IFIH1: variants seen among roughly 807,000 people sequenced by gnomAD.
IFIH1 encodes the protein interferon-induced helicase C domain-containing protein 1.
Under a neutral mutation model 107.4 loss-of-function variants are expected in IFIH1, and 125 were observed. The ratio of observed to expected loss-of-function variants is 1.16; its 90% CI spans 1.01 to 1.35. The LOEUF is 1.35. Ranked by LOEUF, IFIH1 falls within the 40% of genes most tolerant of loss-of-function variation. The pLI is 0.00. For synonymous variants in IFIH1, 458 were observed against 413.2 expected, an observed-to-expected ratio of 1.11 and a Z score of -1.31; for missense variants, 1,333 against 1,213.7, an observed-to-expected ratio of 1.10 and a Z score of -1.46.
rs1381949355 is a variant in IFIH1, at chr2:162,267,074, T to G, written c.*126A>C. On this transcript the variant is annotated 3_prime_UTR_variant, in exon 16 of 16. Transcript: ENST00000649979. ...TAATATATTGTGTTCTTAAAAAGAG[T>G]TCAATGCAGAGTAAAACAATCATTT... 4.0e-6 allele frequency: 3 copies of G among 747,234 alleles called. No homozygotes were observed. Among genetic ancestry groups the G allele is most frequent in the South Asian group, 3.9e-5 (2 of 50,804 alleles). 46.3% of individuals were successfully genotyped at this position (747,234 alleles called of 1,614,324 possible).
intron 5 of IFIH1, among the ~76,000 whole-genome samples, chr2:162,287,414 G>T (rs1426353261): frequency 6.6e-6 from 1 of 151,596 alleles, no homozygotes; most frequent in Non-Finnish European, 1.5e-5. Context: ...TTAATAAACT[G>T]TCATTTATCT....
chr2:162,286,801 A>C (rs1682901927), intron 5 of IFIH1, among the ~76,000 whole-genome samples: 1 of 151,960 alleles, frequency 6.6e-6, no homozygotes, highest in Non-Finnish European at 1.5e-5. Flanking sequence ...ATGAAGGTGA[A>C]GAGAAAGGAG....
At chr2:162,311,978 A>C (rs751446866) in intron 1 of IFIH1, among the ~76,000 whole-genome samples, 2 of 152,196 alleles carry the variant, frequency 1.3e-5, no homozygotes, top group Non-Finnish European at 2.9e-5. Flanking sequence ...CAGATATTAA[A>C]GAAAAAGTAA....
chr2:162,306,630 T>C, intron 3 of IFIH1, 79 bp downstream of exon 3: 1 of 1,033,614 alleles, frequency 9.7e-7, no homozygotes, highest in South Asian at 1.7e-5. Context: ...ATTTTCTCCC[T>C]CTGATTAATA....
intron 1 of IFIH1, among the ~76,000 whole-genome samples, chr2:162,316,952 T>C (rs910981966): frequency 3.9e-5 from 6 of 152,194 alleles, no homozygotes; most frequent in Non-Finnish European, 8.8e-5. Flanking sequence ...CAACACATTC[T>C]TTCAATGAAT....
chr2:162,278,561 A>T (rs1682749138), intron 8 of IFIH1, among the ~76,000 whole-genome samples: 1 of 152,130 alleles, frequency 6.6e-6, no homozygotes, highest in African/African-American at 2.4e-5. Context: ...GGAATCTCCA[A>T]CTTAAAAGGT....
intron 7 of IFIH1, 113 bp downstream of exon 7, chr2:162,281,215 T>C (rs1275600554): frequency 2.7e-6 from 2 of 732,146 alleles, no homozygotes; most frequent in Non-Finnish European, 4.6e-6. Context: ...CAAACAGATT[T>C]CACTTAACTG....
Position 162,267,433 on chromosome 2 carries a change from A to C in IFIH1, c.2898+46T>G. The C allele has an allele frequency of 1.9e-6, 3 of 1,612,178 alleles. No individual in the cohort carries two copies. The East Asian group carries it at 6.7e-5, about 36-fold the overall frequency. ...AAATTAAATGTACATGCAATTAAACATTCCTGTTGGCTAAAGTAAAATCTG... is the reference window on the plus strand; with the variant it reads ...AAATTAAATGTACATGCAATTAAACCTTCCTGTTGGCTAAAGTAAAATCTG... On this transcript the variant is annotated intron_variant, in intron 15 of 15. Coordinates refer to ENST00000649979, the MANE Select transcript of IFIH1 (RefSeq NM_022168.4).
rs1456632741 is a variant in IFIH1 at position 162,272,246 on chromosome 2, G to A, written c.2596C>T (p.Pro866Ser). ...KAIHCVQNMKPEEYAHKILEL... is the reference protein window; with the variant it reads ...KAIHCVQNMKSEEYAHKILEL... ...AATACCTTATGAGCATACTCCTCTGGTTTCATATTTTGAACACAATGTATA... is the reference window on the plus strand; with the variant it reads ...AATACCTTATGAGCATACTCCTCTGATTTCATATTTTGAACACAATGTATA... Residue 866 changes from proline to serine, a missense_variant, in exon 13 of 16, where the codon CCA (proline) becomes TCA (serine). Transcript: ENST00000649979. The A allele has an allele frequency of 1.2e-6, 2 of 1,611,780 alleles. No individual in the cohort carries two copies. The highest frequency in any genetic ancestry group is 8.5e-7 in the Non-Finnish European group (1 of 1,178,868).
chr2:162,286,372 G>A (rs1682893528), intron 5 of IFIH1, among the ~76,000 whole-genome samples: 1 of 151,946 alleles, frequency 6.6e-6, no homozygotes, highest in African/African-American at 2.4e-5. Context: ...GGCTTTCTAA[G>A]AGTGTCAGTG....
At chr2:162,295,330 T>C (rs1683067635) in intron 3 of IFIH1, among the ~76,000 whole-genome samples, 1 of 152,036 alleles carries the variant, frequency 6.6e-6, no homozygotes, top group African/African-American at 2.4e-5. Flanking sequence ...CTTTTAAAAC[T>C]TAGTTTATAG....
intron 11 of IFIH1, among the ~76,000 whole-genome samples, chr2:162,275,595 T>C (rs546879155): frequency 1.3e-5 from 2 of 152,304 alleles, no homozygotes; most frequent in South Asian, 4.1e-4. Context: ...AGAGTTATAG[T>C]GAACCATTTC....
intron 4 of IFIH1, among the ~76,000 whole-genome samples, chr2:162,292,082 T>C (rs780257176): frequency 1.3e-4 from 20 of 151,968 alleles, no homozygotes; most frequent in Non-Finnish European, 2.4e-4. Context: ...CAAGATGCCC[T>C]GCACATAGAA....
intron 3 of IFIH1, among the ~76,000 whole-genome samples, chr2:162,299,746 T>G (rs1035759995): frequency 6.6e-6 from 1 of 152,164 alleles, no homozygotes; most frequent in African/African-American, 2.4e-5. Flanking sequence ...TGTGTGTGTG[T>G]GAGAAAAAGC....
intron 1 of IFIH1, among the ~76,000 whole-genome samples, chr2:162,317,622 A>T (rs1193525829): frequency 5.9e-5 from 9 of 152,256 alleles, no homozygotes. Context: ...CTGTTAATAC[A>T]CATTACGATT....
intron 2 of IFIH1, among the ~76,000 whole-genome samples, chr2:162,308,273 C>T (rs1404826975): frequency 2.6e-5 from 4 of 152,088 alleles, no homozygotes; most frequent in Non-Finnish European, 1.5e-5. Context: ...CGTCCTCACA[C>T]GGTTAAGAGA....
intron 1 of IFIH1, among the ~76,000 whole-genome samples, chr2:162,315,250 T>C (rs961630677): frequency 1.3e-5 from 2 of 152,242 alleles, no homozygotes; most frequent in African/African-American, 4.8e-5. Context: ...ATACGTCATG[T>C]GTTTTCAACG....
chr2:162,307,160 G>T (rs1683298513), intron 2 of IFIH1: 1 of 209,836 alleles, frequency 4.8e-6, no homozygotes, highest in Non-Finnish European at 9.5e-6. Flanking sequence ...GTTATGGCAA[G>T]GTACTTTTAA....
At chr2:162,277,044 G>T in intron 10 of IFIH1, 98 bp from the exon 11 acceptor site, 1 of 805,360 alleles carries the variant, frequency 1.2e-6, no homozygotes, top group Non-Finnish European at 1.9e-6. Context: ...AAAATATACA[G>T]TTTTATTGAT....
Sources: gnomAD v4.1 joint callset for allele counts (sites outside exome capture counted in the v4.1 genomes callset) on GRCh38, gnomAD v4.1.1 for gene constraint, MANE v1.5 for transcripts, NCBI Gene and HGNC (gene_info 2026-07-23, HGNC 2026-07-21) for gene names.